Variants in PLD5 observed in about 807,000 individuals in gnomAD.
PLD5 encodes inactive phospholipase D5.
Under a neutral mutation model 61.1 loss-of-function variants are expected in PLD5, and 36 were observed. The ratio of observed to expected loss-of-function variants is 0.59; its 90% confidence interval spans 0.45 to 0.78. The LOEUF (loss-of-function observed/expected upper bound fraction) is 0.78, where lower values mean the gene tolerates loss of function less well. Among genes scored for constraint, PLD5 ranks in the 30% least tolerant of loss-of-function variants. The pLI is 0.00. For missense variants in PLD5, 515 were observed against 644.4 expected (o/e 0.80, Z 2.17); for synonymous variants, 243 against 242.8 (o/e 1.00, Z -0.01).
At chr1:242,511,395 T>C (rs1182629375) in intron 1 of PLD5, among the ~76,000 whole-genome samples, 2 of 152,030 alleles carry the variant, frequency 1.3e-5, no homozygotes, top group Non-Finnish European at 2.9e-5. Flanking sequence ...CTTCAAAAAA[T>C]TAGAGTGTAG....
At chr1:242,379,955 G>A (rs10926709) in intron 1 of PLD5, among the ~76,000 whole-genome samples, 28,004 of 151,944 alleles carry the variant, frequency 0.18, 3,063 homozygotes, top group African/African-American at 0.31. Flanking sequence ...CATATTAATG[G>A]GTATTAATAA....
At chr1:242,415,574 G>A (rs919871830) in intron 1 of PLD5, among the ~76,000 whole-genome samples, 4 of 149,378 alleles carry the variant, frequency 2.7e-5, no homozygotes, top group African/African-American at 9.9e-5. Flanking sequence ...GTGCAGTGGC[G>A]AGATCTCGGT....
intron 8 of PLD5, among the ~76,000 whole-genome samples, chr1:242,105,506 G>A (rs559401281): frequency 1.5e-4 from 23 of 152,340 alleles, no homozygotes; most frequent in East Asian, 7.7e-4. Flanking sequence ...TTATAGGCGT[G>A]AGCCACTGTG....
intron 1 of PLD5, among the ~76,000 whole-genome samples, chr1:242,517,223 C>T (rs138527238): frequency 2.0e-5 from 3 of 152,256 alleles, no homozygotes; most frequent in African/African-American, 2.4e-5. Context: ...CTACTACTTC[C>T]GTACAATGCC....
intron 1 of PLD5, among the ~76,000 whole-genome samples, chr1:242,404,873 TAA>T (rs1664138841): frequency 7.7e-6 from 1 of 129,560 alleles, no homozygotes; most frequent in Non-Finnish European, 1.6e-5. Flanking sequence ...TGTTCCCTGC[TAA>T]TTTTTTTTTT....
At chr1:242,365,848 A>T (rs1292895923) in intron 1 of PLD5, 1 of 154,016 alleles carries the variant, frequency 6.5e-6, no homozygotes, top group Non-Finnish European at 1.5e-5. Flanking sequence ...AATAAATTCT[A>T]CCGCCACCAG....
chr1:242,257,559 T>C (rs746772318), intron 4 of PLD5, among the ~76,000 whole-genome samples: 2 of 152,212 alleles, frequency 1.3e-5, no homozygotes, highest in Non-Finnish European at 2.9e-5. Context: ...CCGTACAACA[T>C]GGTGATAACA....
intron 1 of PLD5, among the ~76,000 whole-genome samples, chr1:242,424,054 C>T (rs990089737): frequency 6.6e-6 from 1 of 152,212 alleles, no homozygotes; most frequent in Non-Finnish European, 1.5e-5. Context: ...AGTGATAACA[C>T]TGCTGAGCAC....
intron 1 of PLD5, among the ~76,000 whole-genome samples, chr1:242,369,361 C>T (rs1661509703): frequency 6.6e-6 from 1 of 152,086 alleles, no homozygotes; most frequent in African/African-American, 2.4e-5. Flanking sequence ...CATATTTTGA[C>T]TCAGAAATTC....
chr1:242,489,425 G>A (rs898556062), intron 1 of PLD5, among the ~76,000 whole-genome samples: 11 of 151,466 alleles, frequency 7.3e-5, no homozygotes, highest in Admixed American at 2.6e-4. Context: ...GAGAGAGAGA[G>A]AAAAAGGGAA....
chr1:242,272,761 T>G (rs1165640137), intron 3 of PLD5, among the ~76,000 whole-genome samples: 3 of 152,176 alleles, frequency 2.0e-5, no homozygotes, highest in Non-Finnish European at 1.5e-5. Flanking sequence ...GAAGGGAAAT[T>G]TATAACCATA....
intron 1 of PLD5, among the ~76,000 whole-genome samples, chr1:242,385,080 A>T (rs1662522331): frequency 6.6e-6 from 1 of 152,220 alleles, no homozygotes. Flanking sequence ...AAAATCACCA[A>T]CCAAATTCGG....
chr1:242,519,678 A>G (rs540574310), intron 1 of PLD5, among the ~76,000 whole-genome samples: 3 of 152,226 alleles, frequency 2.0e-5, no homozygotes, highest in Admixed American at 2.0e-4. Flanking sequence ...AGTGAGAACC[A>G]GAAAAGTCAG....
At chr1:242,303,424 G>T (rs1243766944) in intron 2 of PLD5, among the ~76,000 whole-genome samples, 1 of 152,180 alleles carries the variant, frequency 6.6e-6, no homozygotes, top group Non-Finnish European at 1.5e-5. Context: ...GACTTATCTA[G>T]AGAATCATTT....
intron 5 of PLD5, among the ~76,000 whole-genome samples, chr1:242,163,177 T>A (rs1446726367): frequency 6.8e-6 from 1 of 147,336 alleles, no homozygotes; most frequent in Non-Finnish European, 1.5e-5. Flanking sequence ...GGAGTCTCAC[T>A]CTGTCACCCA....
intron 1 of PLD5, among the ~76,000 whole-genome samples, chr1:242,443,277 G>T (rs1299816962): frequency 3.9e-5 from 6 of 152,028 alleles, no homozygotes; most frequent in Non-Finnish European, 8.8e-5. Context: ...TAAAATAAAA[G>T]AGGAAATTAA....
At chr1:242,310,284 G>T (rs2149172782) in intron 2 of PLD5, among the ~76,000 whole-genome samples, 1 of 152,256 alleles carries the variant, frequency 6.6e-6, no homozygotes, top group East Asian at 1.9e-4. Flanking sequence ...TACTGGCTGT[G>T]TACAGACCGC....
intron 1 of PLD5, among the ~76,000 whole-genome samples, chr1:242,400,650 G>C (rs1663877947): frequency 6.6e-6 from 1 of 152,152 alleles, no homozygotes; most frequent in Non-Finnish European, 1.5e-5. Context: ...TTGAAGCTTA[G>C]GGAGGGAGTG....
At position 242,350,978 on chromosome 1, in the gene PLD5, C is replaced by T. The variant is rs1206689330; in HGVS notation, c.190-2736G>A. Among the ~76,000 whole-genome samples the T allele has an allele frequency of 4.6e-5, 7 of 151,616 alleles. No individual in the cohort carries two copies. In the South Asian group the frequency reaches 8.3e-4, roughly 18 times the overall value. On this transcript the variant is annotated intron_variant, in intron 1 of 9. Transcript: ENST00000536534. ...GTGCAATGGCGTGATCACCGCTCAC[C>T]GCAACCTCTACCTCCCAGGCTCAAG... is the stretch of plus-strand genomic sequence containing the variant.
Sources: gnomAD v4.1 joint callset for allele counts (sites outside exome capture counted in the v4.1 genomes callset) on GRCh38, gnomAD v4.1.1 for gene constraint, MANE v1.5 for transcripts, NCBI Gene and HGNC (gene_info 2026-07-23, HGNC 2026-07-21) for gene names.